Variants in IL19 observed in about 807,000 individuals in gnomAD.
IL19 encodes interleukin 19, also known as interleukin-19.
In IL19, 15 loss-of-function variants were observed where a neutral mutation model predicts 19.5. That is an observed-to-expected ratio of 0.77 (90% confidence interval 0.52 to 1.19). IL19 has a LOEUF of 1.19. Ranked by LOEUF, IL19 falls within the 50% of genes most tolerant of loss-of-function variation. The probability of loss-of-function intolerance (pLI) is 0.00; values close to 1 mark genes in which losing one functional copy is unlikely to be tolerated. For missense variants in IL19, 199 were observed against 213.1 expected (o/e 0.93, Z 0.41); for synonymous variants, 78 against 78.3 (o/e 1.00, Z 0.02).
chr1:206,841,451 G>GC (rs2243189), intron 6 of IL19, among the ~76,000 whole-genome samples: 2 of 152,148 alleles, frequency 1.3e-5, no homozygotes, highest in Non-Finnish European at 1.5e-5. Flanking sequence ...ATCACTACCT[G>GC]CCCCCCCATA....
chr1:206,778,164 C>G (rs767309277), intron 1 of IL19, among the ~76,000 whole-genome samples: 14 of 152,220 alleles, frequency 9.2e-5, no homozygotes, highest in African/African-American at 3.4e-4. Flanking sequence ...TCATGGCCGG[C>G]AGACACTGCA....
chr1:206,796,582 A>G (rs1007824741), intron 1 of IL19, among the ~76,000 whole-genome samples: 3 of 152,168 alleles, frequency 2.0e-5, no homozygotes, highest in African/African-American at 7.2e-5. Flanking sequence ...ATTTTACTAT[A>G]CCTTTTCTAT....
chr1:206,812,299 T>G (rs962715417), intron 2 of IL19, among the ~76,000 whole-genome samples: 1 of 152,214 alleles, frequency 6.6e-6, no homozygotes, highest in African/African-American at 2.4e-5. Context: ...TTTTCATCCC[T>G]GTGCCTTTGA....
chr1:206,839,858 T>C lies in IL19; in HGVS notation c.219T>C (p.Asp73=), dbSNP rs760170467. The change falls in exon 5 of 7, where the codon GAT becomes GAC. Residue 73 remains aspartate (D), a synonymous_variant. Transcript: ENST00000659997. The stretch of plus-strand genomic sequence containing the variant: ...CTAATTTGTGTTTGTAGCCCTTAGA[T>C]GTGTGCTGCGTGACCAAGAACCTCC... The part of the protein sequence containing the change: ...LETLQIIKPL[D]VCCVTKNLLA... 16 of 1,613,298 alleles carry C rather than the reference T, an allele frequency of 9.9e-6. No homozygotes were observed. The highest frequency in any genetic ancestry group is 1.3e-5 in the African/African-American group (1 of 74,906).
rs769329582 is a variant in IL19 at position 206,841,034 on chromosome 1, G to A, written c.394G>A (p.Glu132Lys). 1.9e-6 allele frequency: 3 copies of A among 1,614,026 alleles called. No individual in the cohort carries two copies. In the African/African-American group the frequency reaches 4.0e-5, roughly 22 times the overall value. The change falls in exon 6 of 7, where the codon GAA becomes AAA. Residue 132 changes from glutamate to lysine, a missense_variant. By Grantham distance (56) the Glu-to-Lys change is moderately conservative. Transcript: ENST00000659997. ...ACAGAGGCAGTGTCACTGCAGGCAG[G>A]AAGCCACCAATGCCACCAGAGTCAT... ...QEQRQCHCRQ[E>K]ATNATRVIHD...
chr1:206,799,589 A>G (rs1444781177), intron 2 of IL19, among the ~76,000 whole-genome samples: 1 of 152,232 alleles, frequency 6.6e-6, no homozygotes, highest in Non-Finnish European at 1.5e-5. Flanking sequence ...CTGCAACTGC[A>G]CAGCTCTAGA....
intron 2 of IL19, chr1:206,833,652 A>G: frequency 1.0e-6 from 1 of 985,438 alleles, no homozygotes; most frequent in Non-Finnish European, 1.2e-6. Flanking sequence ...TTCTAGCCCA[A>G]GAATAAGGAT....
At chr1:206,777,406 C>CAAAAA (rs761553258) in intron 1 of IL19, among the ~76,000 whole-genome samples, 98 of 54,014 alleles carry the variant, frequency 1.8e-3, no homozygotes, top group African/African-American at 5.5e-3. Flanking sequence ...GACTCCGTCT[C>CAAAAA]AAAAAAAAAA....
At chr1:206,803,683 G>T (rs982501727) in intron 2 of IL19, among the ~76,000 whole-genome samples, 1 of 152,198 alleles carries the variant, frequency 6.6e-6, no homozygotes, top group African/African-American at 2.4e-5. Context: ...ACAGAAAACT[G>T]CTGGAGGACA....
chr1:206,832,885 C>T (rs1238652147), intron 2 of IL19, among the ~76,000 whole-genome samples: 2 of 152,174 alleles, frequency 1.3e-5, no homozygotes, highest in Admixed American at 1.3e-4. Context: ...GGTTTCTTTC[C>T]CTTGCACCTG....
intron 1 of IL19, among the ~76,000 whole-genome samples, chr1:206,790,255 T>C (rs1675365746): frequency 1.3e-5 from 2 of 152,188 alleles, no homozygotes; most frequent in Non-Finnish European, 2.9e-5. Flanking sequence ...TGGTATCTCA[T>C]TGTGGTTCTT....
intron 2 of IL19, chr1:206,834,418 C>T (rs933181524): frequency 4.3e-5 from 42 of 985,488 alleles, no homozygotes; most frequent in Non-Finnish European, 4.8e-5. Flanking sequence ...TCACGCTGTC[C>T]GTCATCAGGG....
In IL19 at chr1:206,772,370, C is replaced by T; in HGVS notation, c.-149+1292C>T. 1.3e-5 allele frequency: 21 copies of T among 1,614,164 alleles called. No homozygotes were observed. The highest frequency in any genetic ancestry group is 1.5e-5 in the Non-Finnish European group (18 of 1,180,012). On this transcript the variant is annotated intron_variant, in intron 1 of 6. Coordinates refer to ENST00000659997, the MANE Select transcript of IL19 (RefSeq NM_153758.5). Reference sequence around the variant, plus strand: ...TGCAGCTGTTCTCAGACTGGGTGCCCTGGCCTGGGCTGGCCCTCACCCCAG... The same window carrying T: ...TGCAGCTGTTCTCAGACTGGGTGCCTTGGCCTGGGCTGGCCCTCACCCCAG...
At chr1:206,792,643 G>T (rs899593695) in intron 1 of IL19, among the ~76,000 whole-genome samples, 1 of 152,228 alleles carries the variant, frequency 6.6e-6, no homozygotes, top group South Asian at 2.1e-4. Context: ...TTTTAGTAGA[G>T]ACAGGGTTTC....
chr1:206,782,668 T>C (rs1272090370), intron 1 of IL19, among the ~76,000 whole-genome samples: 1 of 152,194 alleles, frequency 6.6e-6, no homozygotes, highest in African/African-American at 2.4e-5. Context: ...TGGTTTCAAG[T>C]CAAAACCCAT....
rs11273390 is a variant in IL19 at position 206,782,063 on chromosome 1, ATG to A, written c.-149+10989_-149+10990del. 9.7e-3 allele frequency among the ~76,000 whole-genome samples: 538 copies of A among 55,630 alleles called. 12 individuals carry two copies. Among genetic ancestry groups the A allele is most frequent in the Non-Finnish European group, 0.019 (363 of 19,284 alleles). The allele number at this position is 55,630 out of a possible 152,430, so 36.5% of individuals were successfully genotyped here. A position where few individuals can be genotyped will look rare whatever the true frequency, so the allele number is the denominator to read the frequency against. ...TATGTATATAGTTATATATACATAT[ATG>A]TGTAAACATTTATCATATTAGAAAG... On this transcript the variant is annotated intron_variant, in intron 1 of 6. Coordinates refer to ENST00000659997, the MANE Select transcript of IL19 (RefSeq NM_153758.5).
chr1:206,793,451 T>G (rs927689995), intron 1 of IL19, among the ~76,000 whole-genome samples: 61 of 152,300 alleles, frequency 4.0e-4, no homozygotes, highest in African/African-American at 1.4e-3. Flanking sequence ...TCCCCGACTG[T>G]GCGGCCTGGC....
chr1:206,837,102 C>A, intron 4 of IL19, 79 bp downstream of exon 4: 2 of 1,135,548 alleles, frequency 1.8e-6, no homozygotes. Context: ...AAATCCCTAC[C>A]TTGTCCCCTT....
At chr1:206,839,083 C>T (rs964022402) in intron 4 of IL19, among the ~76,000 whole-genome samples, 2 of 152,238 alleles carry the variant, frequency 1.3e-5, no homozygotes, top group African/African-American at 2.4e-5. Context: ...GAGTAACTGG[C>T]TCTCAGGGCA....
Sources: allele counts gnomAD v4.1 joint callset (sites outside exome capture counted in the v4.1 genomes callset), GRCh38; gene constraint gnomAD v4.1.1; transcripts MANE v1.5; gene names NCBI Gene and HGNC (gene_info 2026-07-23, HGNC 2026-07-21).